Variants in NFIC observed in about 807,000 individuals in gnomAD.
NFIC encodes the protein nuclear factor I C, also known as nuclear factor 1 C-type.
A neutral mutation model predicts 54.4 loss-of-function variants in NFIC; 12 were observed. That is an observed-to-expected ratio of 0.22 (90% CI 0.14 to 0.36). NFIC has a LOEUF of 0.36. Ranked by LOEUF, NFIC falls within the 10% of genes least tolerant of loss-of-function variation. The pLI is 1.00. For missense variants in NFIC, 575 were observed against 718.2 expected (o/e 0.80, Z 2.28); for synonymous variants, 322 against 319.2 (o/e 1.01, Z -0.09).
intron 2 of NFIC, among the ~76,000 whole-genome samples, chr19:3,383,428 G>A (rs1254760274): frequency 6.6e-6 from 1 of 152,206 alleles, no homozygotes; most frequent in Non-Finnish European, 1.5e-5. Context: ...GAGGCCTGAT[G>A]CCTGTGCCTC....
chr19:3,454,157 G>A lies in NFIC; in HGVS notation c.1423+241G>A, dbSNP rs2082514538. 8.6e-6 allele frequency: 11 copies of A among 1,275,614 alleles called. No homozygotes were observed. The South Asian group carries it at 2.8e-4, about 32-fold the overall frequency. 79.0% of individuals were successfully genotyped at this position (1,275,614 alleles called of 1,614,324 possible). On this transcript the variant is annotated intron_variant, in intron 9 of 10. Coordinates refer to ENST00000443272, the MANE Select transcript of NFIC (RefSeq NM_001245002.2). ...TGAGAGTCCAGGGTCTGTCCCCTTC[G>A]CCGAGTCACCTGGGGGACCCCGGTG... is the stretch of plus-strand genomic sequence containing the variant.
intron 6 of NFIC, among the ~76,000 whole-genome samples, chr19:3,440,027 G>A (rs1187064917): frequency 2.0e-5 from 3 of 152,108 alleles, no homozygotes; most frequent in South Asian, 2.1e-4. Context: ...CCCAGGGCTG[G>A]ACTTTACGTA....
chr19:3,412,789 T>G (rs1351964792), intron 2 of NFIC, among the ~76,000 whole-genome samples: 2 of 152,232 alleles, frequency 1.3e-5, no homozygotes, highest in Admixed American at 6.5e-5. Context: ...AATGCTATTC[T>G]GTCACTCCAC....
intron 1 of NFIC, among the ~76,000 whole-genome samples, chr19:3,360,281 G>C (rs1259734266): frequency 6.9e-6 from 1 of 145,918 alleles, no homozygotes; most frequent in Non-Finnish European, 1.5e-5. Flanking sequence ...GCTCGGCGCC[G>C]CGCAGGAGCA....
intron 7 of NFIC, among the ~76,000 whole-genome samples, chr19:3,449,523 G>A (rs1407472009): frequency 6.6e-6 from 1 of 152,124 alleles, no homozygotes; most frequent in Non-Finnish European, 1.5e-5. Context: ...ACTTTGGGAG[G>A]CTGAGGCGGG....
chr19:3,452,519 T>C lies in NFIC; in HGVS notation c.1122T>C (p.His374=), dbSNP rs772787581. 1 of 1,613,152 alleles carries C rather than the reference T, an allele frequency of 6.2e-7. No individual in the cohort carries two copies. Among genetic ancestry groups the C allele is most frequent in the South Asian group, 1.1e-5 (1 of 91,070 alleles). ...ARSPHPSSAL[H]FPTTSILPQT... Reference sequence around the variant, plus strand: ...GCCCACACCCGTCCTCCGCTCTGCATTTCCCTACGACGTCCATCCTACCCC... The same window carrying C: ...GCCCACACCCGTCCTCCGCTCTGCACTTCCCTACGACGTCCATCCTACCCC... Residue 374 remains histidine (H), a synonymous_variant, in exon 8 of 11, where the codon CAT becomes CAC. Transcript: ENST00000443272. This position sits in a 1 kb window ranked among gnomAD's most constrained non-coding sequence, Gnocchi z 5.3.
upstream of NFIC, among the ~76,000 whole-genome samples, chr19:3,362,273 T>G (rs569205782): frequency 7.9e-4 from 120 of 152,176 alleles, no homozygotes; most frequent in African/African-American, 2.7e-3. Flanking sequence ...TCTGTGATTG[T>G]GGACAAGTGC....
At chr19:3,443,104 C>T (rs893149422) in intron 6 of NFIC, among the ~76,000 whole-genome samples, 1 of 152,144 alleles carries the variant, frequency 6.6e-6, no homozygotes, top group African/African-American at 2.4e-5. Context: ...CCAATGTCTA[C>T]AGTGCTGAGG....
At chr19:3,427,055 T>C (rs1003125801) in intron 3 of NFIC, among the ~76,000 whole-genome samples, 6 of 151,114 alleles carry the variant, frequency 4.0e-5, no homozygotes, top group Non-Finnish European at 8.8e-5. Flanking sequence ...GCCTCCCGAG[T>C]AGCTGGGACT....
At chr19:3,405,848 C>G (rs536893817) in intron 2 of NFIC, among the ~76,000 whole-genome samples, 2 of 152,076 alleles carry the variant, frequency 1.3e-5, no homozygotes, top group African/African-American at 4.8e-5. Context: ...GGTGATCTGC[C>G]TGCCTTGGCC....
At chr19:3,365,476 G>A (rs2080867700), upstream of NFIC, among the ~76,000 whole-genome samples, 1 of 152,188 alleles carries the variant, frequency 6.6e-6, no homozygotes, top group Non-Finnish European at 1.5e-5. Flanking sequence ...TCCAGGGAGT[G>A]AACCGGGGGA....
intron 1 of NFIC, among the ~76,000 whole-genome samples, chr19:3,374,319 G>A (rs1448585973): frequency 6.6e-6 from 1 of 152,102 alleles, no homozygotes; most frequent in Non-Finnish European, 1.5e-5. Context: ...GGGCTAAGCT[G>A]GGGTTTCCAG....
In NFIC at chr19:3,414,372, G is replaced by A. The variant is rs532842450; in HGVS notation, c.563-10734G>A. On this transcript the variant is annotated intron_variant, in intron 2 of 10. Transcript: ENST00000443272. ...AGCACTTTGGGAGTCCGAGGCGGAC[G>A]GATCACGAGGTCAAGAGTTCGAGAC... Among the ~76,000 whole-genome samples, 235 of 152,090 alleles carry A rather than the reference G, an allele frequency of 1.5e-3. 1 individual carries two copies. Among genetic ancestry groups the A allele is most frequent in the Non-Finnish European group, 2.7e-3 (186 of 68,010 alleles).
chr19:3,424,896 G>C (rs1226722416), intron 2 of NFIC, among the ~76,000 whole-genome samples: 1 of 152,166 alleles, frequency 6.6e-6, no homozygotes, highest in Non-Finnish European at 1.5e-5. Flanking sequence ...GTGTCTGCAG[G>C]GTGCCTGGCC....
chr19:3,463,404 C>A lies in NFIC; in HGVS notation c.*635C>A. On this transcript the variant is annotated 3_prime_UTR_variant, in exon 11 of 11. Transcript: ENST00000443272. ...GCAGAGGCGGGCAGGGTGGGGCAGG[C>A]GAGTGGTGTCGCGGGGGTGCGTGGC... 1 of 985,568 alleles carries A rather than the reference C, an allele frequency of 1.0e-6. No individual in the cohort carries two copies. Among genetic ancestry groups the A allele is most frequent in the Non-Finnish European group, 1.2e-6 (1 of 830,098 alleles). 61.1% of individuals were successfully genotyped at this position (985,568 alleles called of 1,614,324 possible). A position where few individuals can be genotyped will look rare whatever the true frequency, so the allele number is the denominator to read the frequency against.
rs1568206541 is a variant in NFIC at position 3,463,697 on chromosome 19, A to T, written c.*928A>T. 2 of 966,796 alleles carry T rather than the reference A, an allele frequency of 2.1e-6. No individual in the cohort carries two copies. 59.9% of individuals were successfully genotyped at this position (966,796 alleles called of 1,614,324 possible). On this transcript the variant is annotated 3_prime_UTR_variant, in exon 11 of 11. Coordinates refer to ENST00000443272, the MANE Select transcript of NFIC (RefSeq NM_001245002.2). ...CACACCCCCAAAGGGAGGGACCCAC[A>T]TTGCACACACTGTAAGAAATGCACT...
At chr19:3,361,988 T>C (rs532845926), upstream of NFIC, among the ~76,000 whole-genome samples, 2 of 151,928 alleles carry the variant, frequency 1.3e-5, no homozygotes, top group South Asian at 4.2e-4. Flanking sequence ...CAGACACACA[T>C]GGGCAGACAC....
chr19:3,386,925 C>A (rs890076148), intron 2 of NFIC, among the ~76,000 whole-genome samples: 9 of 152,198 alleles, frequency 5.9e-5, no homozygotes, highest in Admixed American at 5.9e-4. Flanking sequence ...CAGGCCTCAG[C>A]GCTGATCCCA....
chr19:3,388,948 C>T (rs1293457044), intron 2 of NFIC, among the ~76,000 whole-genome samples: 8 of 151,762 alleles, frequency 5.3e-5, no homozygotes, highest in African/African-American at 1.7e-4. Context: ...GAGGTTGCAG[C>T]GAGCTGAGCT....
Sources: gnomAD v4.1 joint callset for allele counts (sites outside exome capture counted in the v4.1 genomes callset) on GRCh38, gnomAD v4.1.1 for gene constraint, Gnocchi (gnomAD v3.1) non-coding constraint, MANE v1.5 for transcripts, NCBI Gene and HGNC (gene_info 2026-07-23, HGNC 2026-07-21) for gene names.